The following PDLIM5 variants were observed in gnomAD, a reference collection of about 807,000 sequenced individuals.
PDLIM5 encodes the protein PDZ and LIM domain protein 5.
PDLIM5 carries 34 observed loss-of-function variants against 64.2 expected under a neutral mutation model. The observed-to-expected ratio is 0.53, with a 90% confidence interval of 0.40 to 0.71. PDLIM5 has a LOEUF of 0.71. Ranked by LOEUF, PDLIM5 falls within the 30% of genes least tolerant of loss-of-function variation. PDLIM5 has a pLI of 0.00. For missense variants in PDLIM5, 683 were observed against 733.6 expected (o/e 0.93, Z 0.80); for synonymous variants, 253 against 269.1 (o/e 0.94, Z 0.59).
chr4:94,639,562 T>C (rs942067602), intron 8 of PDLIM5, among the ~76,000 whole-genome samples: 14 of 152,344 alleles, frequency 9.2e-5, no homozygotes, highest in Admixed American at 2.6e-4. Context: ...ATGCTTCTTA[T>C]GTAGCTGCCT....
At chr4:94,534,736 C>T (rs1306069196) in intron 3 of PDLIM5, among the ~76,000 whole-genome samples, 1 of 152,146 alleles carries the variant, frequency 6.6e-6, no homozygotes, top group Non-Finnish European at 1.5e-5. Context: ...AGTATGGAAT[C>T]CATTGTAAAG....
intron 3 of PDLIM5, among the ~76,000 whole-genome samples, chr4:94,537,130 TTTTG>T (rs953105296): frequency 5.3e-5 from 8 of 152,340 alleles, no homozygotes; most frequent in East Asian, 1.9e-4. Context: ...CATTCATTTT[TTTTG>T]TTTGTTTATG....
intron 4 of PDLIM5, 81 bp from the exon 5 acceptor site, chr4:94,575,535 C>A (rs1343623763): frequency 2.0e-6 from 2 of 979,658 alleles, no homozygotes; most frequent in South Asian, 1.7e-5. Context: ...TTTAAAAAAT[C>A]AGCTCTGTGT....
At position 94,475,530 on chromosome 4, in the gene PDLIM5, T is replaced by A. The variant is rs754526722; in HGVS notation, c.96+20146T>A. On this transcript the variant is annotated intron_variant, in intron 2 of 12. Transcript: ENST00000317968. ...TGCATTAGGGTTAATTCTTTTCAAC[T>A]TAAAAGTTGTAGTCTTTCTTTAAAT... Among the ~76,000 whole-genome samples, 3 of 152,304 alleles carry A rather than the reference T, an allele frequency of 2.0e-5. No homozygotes were observed. The South Asian group carries it at 6.2e-4, about 32-fold the overall frequency.
intron 5 of PDLIM5, 126 bp from the exon 6 acceptor site, chr4:94,585,439 C>A: frequency 3.3e-6 from 2 of 614,834 alleles, no homozygotes; most frequent in Non-Finnish European, 5.0e-6. Context: ...ACTTGCAAAG[C>A]AAACTGTTTA....
chr4:94,526,579 A>G (rs1730372915), intron 3 of PDLIM5, among the ~76,000 whole-genome samples: 1 of 152,188 alleles, frequency 6.6e-6, no homozygotes, highest in East Asian at 1.9e-4. Context: ...TAACATTGAC[A>G]GTGCTACTGA....
At chr4:94,588,780 ATTC>A (rs1736451024) in intron 7 of PDLIM5, among the ~76,000 whole-genome samples, 1 of 152,124 alleles carries the variant, frequency 6.6e-6, no homozygotes, top group Non-Finnish European at 1.5e-5. Flanking sequence ...TTTTCCAGGT[ATTC>A]TTTCACATTA....
intron 3 of PDLIM5, among the ~76,000 whole-genome samples, chr4:94,556,452 T>G (rs1295085512): frequency 2.0e-5 from 3 of 152,018 alleles, no homozygotes; most frequent in Non-Finnish European, 4.4e-5. Context: ...AATGGTATTT[T>G]TAGTTCTAGA....
At chr4:94,590,989 A>G (rs369604415) in intron 7 of PDLIM5, among the ~76,000 whole-genome samples, 137 of 152,310 alleles carry the variant, frequency 9.0e-4, no homozygotes, top group African/African-American at 2.8e-3. Flanking sequence ...TTGAGACCCA[A>G]TGAAGACCTA....
intron 8 of PDLIM5, among the ~76,000 whole-genome samples, chr4:94,631,575 A>G (rs986064921): frequency 1.2e-4 from 19 of 152,234 alleles, no homozygotes; most frequent in Non-Finnish European, 2.6e-4. Context: ...AGAAGTGAGT[A>G]CTAGCAGGTT....
chr4:94,598,628 G>A lies in PDLIM5; in HGVS notation c.920+12184G>A, dbSNP rs114327176. Among the ~76,000 whole-genome samples, 434 of 152,128 alleles carry A rather than the reference G, an allele frequency of 2.9e-3. 5 individuals are homozygous for A. The highest frequency in any genetic ancestry group is 9.9e-3 in the African/African-American group (410 of 41,522). ...AATACGTCCAACAAATGTTTATGAG[G>A]CACTTATTTGTGCTGGTTTCTAGGA... On this transcript the variant is annotated intron_variant, in intron 7 of 12. Transcript: ENST00000317968.
At chr4:94,482,724 A>G (rs1386386759) in intron 2 of PDLIM5, among the ~76,000 whole-genome samples, 1 of 152,006 alleles carries the variant, frequency 6.6e-6, no homozygotes, top group African/African-American at 2.4e-5. Flanking sequence ...CCCTGCTTCT[A>G]CAAAAAATTA....
intron 7 of PDLIM5, among the ~76,000 whole-genome samples, chr4:94,595,523 G>A (rs1406962267): frequency 6.6e-6 from 1 of 152,212 alleles, no homozygotes; most frequent in African/African-American, 2.4e-5. Context: ...TAGAGTTAAT[G>A]TTACTTCTTA....
At chr4:94,599,371 G>T (rs1271600357) in intron 7 of PDLIM5, among the ~76,000 whole-genome samples, 2 of 152,064 alleles carry the variant, frequency 1.3e-5, no homozygotes, top group Non-Finnish European at 2.9e-5. Flanking sequence ...CAGTGAATTT[G>T]TAAAGAATTA....
At chr4:94,587,736 C>CAGT (rs1736352399) in intron 7 of PDLIM5, 1 of 983,638 alleles carries the variant, frequency 1.0e-6, no homozygotes, top group South Asian at 4.7e-5. Flanking sequence ...TGGAGAAATA[C>CAGT]AGTATTCTTT....
chr4:94,660,910 T>TAAAAATAAAA (rs142383920), intron 11 of PDLIM5, among the ~76,000 whole-genome samples: 23 of 150,904 alleles, frequency 1.5e-4, no homozygotes, highest in Non-Finnish European at 3.1e-4. Flanking sequence ...CTGTCTTTAC[T>TAAAAATAAAA]AAAAATAAAA....
At chr4:94,509,883 GCC>G (rs1350816433) in intron 2 of PDLIM5, among the ~76,000 whole-genome samples, 2 of 152,088 alleles carry the variant, frequency 1.3e-5, no homozygotes, top group Non-Finnish European at 2.9e-5. Context: ...GCCTTTCCCA[GCC>G]CACTGACTCA....
intron 7 of PDLIM5, chr4:94,610,228 T>C: frequency 6.6e-7 from 1 of 1,518,870 alleles, no homozygotes; most frequent in East Asian, 2.5e-5. Context: ...TACCTTCTCT[T>C]CTCCTGCTAG....
intron 7 of PDLIM5, among the ~76,000 whole-genome samples, chr4:94,601,084 A>G (rs1315156717): frequency 6.6e-6 from 1 of 152,156 alleles, no homozygotes; most frequent in East Asian, 1.9e-4. Flanking sequence ...CCCTAATACA[A>G]ATGTCTTAGT....
Sources: allele counts gnomAD v4.1 joint callset (sites outside exome capture counted in the v4.1 genomes callset), GRCh38; gene constraint gnomAD v4.1.1; transcripts MANE v1.5; gene names NCBI Gene and HGNC (gene_info 2026-07-23, HGNC 2026-07-21).